Variants in SCN2B observed in about 807,000 individuals in gnomAD.
The protein encoded by SCN2B is sodium channel regulatory subunit beta-2.
SCN2B carries 14 observed loss-of-function variants against 18.2 expected under a neutral mutation model. The ratio of observed to expected loss-of-function variants is 0.77; its 90% confidence interval spans 0.51 to 1.21. The LOEUF (loss-of-function observed/expected upper bound fraction) is 1.21, where lower values mean the gene tolerates loss of function less well. Among genes scored for constraint, SCN2B ranks in the 50% most tolerant of loss-of-function variants. SCN2B has a pLI of 0.00. For missense variants in SCN2B, 262 were observed against 286.9 expected, an observed-to-expected ratio of 0.91 and a Z score of 0.63; for synonymous variants, 115 against 115.3, an observed-to-expected ratio of 1.00 and a Z score of 0.02.
intron 1 of SCN2B, among the ~76,000 whole-genome samples, chr11:118,173,115 G>A (rs897480330): frequency 3.3e-5 from 5 of 151,846 alleles, no homozygotes; most frequent in Non-Finnish European, 7.4e-5. Context: ...GACCTCCAAC[G>A]GCTACCCACT....
rs11216788 is a variant in SCN2B at position 118,163,486 on chromosome 11, G to A, written c.*3401C>T. 0.36 allele frequency: 54,671 copies of A among 152,548 alleles called. 10,826 individuals carry two copies. Among genetic ancestry groups the A allele is most frequent in the East Asian group, 0.74 (3,812 of 5,170 alleles). 9.4% of individuals were successfully genotyped at this position (152,548 alleles called of 1,614,324 possible). ...TCCTTTTTATAAACTGGAAATAACT[G>A]TGAAGAGTCCATAGCTAGGGGGCAG... On this transcript the variant is annotated 3_prime_UTR_variant, in exon 4 of 4. Transcript: ENST00000278947.
At position 118,171,523 on chromosome 11, in the gene SCN2B, G is replaced by C. The variant is rs551779416; in HGVS notation, c.71-2772C>G. On this transcript the variant is annotated intron_variant, in intron 1 of 3. Coordinates refer to ENST00000278947, the MANE Select transcript of SCN2B (RefSeq NM_004588.5). The stretch of plus-strand genomic sequence containing the variant: ...TGGAAGGTCGATCATCTTCCCAGGG[G>C]CTCCCCAGACCAAAAAGTCTGCGTT... 4.6e-5 allele frequency among the ~76,000 whole-genome samples: 7 copies of C among 152,330 alleles called. No homozygotes were observed. In the South Asian group the frequency reaches 1.5e-3, roughly 32 times the overall value.
chr11:118,174,425 G>A (rs1009043320), intron 1 of SCN2B, among the ~76,000 whole-genome samples: 4 of 151,982 alleles, frequency 2.6e-5, no homozygotes, highest in African/African-American at 9.7e-5. Flanking sequence ...CTTTCTCTTT[G>A]CCACCTCCAT....
In SCN2B at chr11:118,175,394, C is replaced by G. The variant is rs975521488; in HGVS notation, c.70+968G>C. Among the ~76,000 whole-genome samples the G allele has an allele frequency of 2.6e-5, 4 of 152,340 alleles. No individual in the cohort carries two copies. The East Asian group carries it at 7.7e-4, about 29-fold the overall frequency. On this transcript the variant is annotated intron_variant, in intron 1 of 3. Coordinates refer to ENST00000278947, the MANE Select transcript of SCN2B (RefSeq NM_004588.5). The stretch of plus-strand genomic sequence containing the variant: ...CAGGCTGGCAGGGCCTCTGCACTGT[C>G]TGTGTTTAGCACTCCTACTCCAAAC...
Position 118,174,104 on chromosome 11 carries a change from T to G in SCN2B, c.70+2258A>C, listed in dbSNP as rs964499967. ...TATTTTTCTTTTCTTTTTTTTTTTT[T>G]TTTTTTTTTTTTTTTTGTAGAGACA... is the stretch of plus-strand genomic sequence containing the variant. On this transcript the variant is annotated intron_variant, in intron 1 of 3. Transcript: ENST00000278947. Among the ~76,000 whole-genome samples the G allele has an allele frequency of 3.4e-4, 44 of 128,150 alleles. 7 individuals carry two copies. The highest frequency in any genetic ancestry group is 1.2e-3 in the African/African-American group (40 of 32,004). 84.1% of individuals were successfully genotyped at this position (128,150 alleles called of 152,430 possible).
rs1565465474 is a variant in SCN2B at position 118,176,404 on chromosome 11, G to A, written c.28C>T (p.Pro10Ser). 1.9e-6 allele frequency: 3 copies of A among 1,614,080 alleles called. No individual in the cohort carries two copies. The highest frequency in any genetic ancestry group is 4.5e-5 in the East Asian group (2 of 44,880). MHRDAWLPR[P>S]AFSLTGLSLF... The stretch of plus-strand genomic sequence containing the variant: ...CTGAGCCCCGTGAGGCTGAAGGCAG[G>A]GCGAGGTAGCCAGGCATCTCTGTGC... Residue 10 changes from proline to serine, a missense_variant, in exon 1 of 4, where the codon CCT becomes TCT. Coordinates refer to ENST00000278947, the MANE Select transcript of SCN2B (RefSeq NM_004588.5).
Position 118,166,534 on chromosome 11 carries a change from G to T in SCN2B, c.*353C>A. The stretch of plus-strand genomic sequence containing the variant: ...CTCTCTGAAGCCACTGCCAGGCCAA[G>T]CACTGGGCAGGTGGACAGCGGCCCC... On this transcript the variant is annotated 3_prime_UTR_variant, in exon 4 of 4. Transcript: ENST00000278947. The T allele has an allele frequency of 2.7e-6, 1 of 372,216 alleles. No individual in the cohort carries two copies. 23.1% of individuals were successfully genotyped at this position (372,216 alleles called of 1,614,324 possible).
rs1326811641 is a variant in SCN2B at position 118,166,941 on chromosome 11, G to A, written c.594C>T (p.Thr198=). ...EQKLSTDDLK[T]EEEGKTDGEG... is the part of the protein sequence containing the mutation. ...CACCGTCCGTCTTGCCCTCCTCCTC[G>A]GTCTTCAGGTCATCTGTGCTCAGCT... Residue 198 remains threonine, a synonymous_variant, in exon 4 of 4, where the codon ACC becomes ACT. Coordinates refer to ENST00000278947, the MANE Select transcript of SCN2B (RefSeq NM_004588.5). 9.3e-6 allele frequency: 15 copies of A among 1,614,078 alleles called. No individual in the cohort carries two copies. Among genetic ancestry groups the A allele is most frequent in the Non-Finnish European group, 1.2e-5 (14 of 1,180,018 alleles).
rs1407678712 is a variant in SCN2B, at chr11:118,167,062, A to G, written c.473T>C (p.Val158Ala). 3.1e-6 allele frequency: 5 copies of G among 1,612,982 alleles called. No individual in the cohort carries two copies. Among genetic ancestry groups the G allele is most frequent in the Non-Finnish European group, 4.2e-6 (5 of 1,180,006 alleles). Residue 158 changes from valine to alanine, a missense_variant, in exon 4 of 4, where the codon GTG (valine) becomes GCG (alanine). By Grantham distance (64) the Val-to-Ala change is moderately conservative (BLOSUM62 0). Transcript: ENST00000278947. The part of the protein sequence containing the change: ...MEEPPERDST[V>A]AVIVGASVGG... ...GACGGAGGCACCCACAATCACGGCC[A>G]CCGTGGAGTCCCGCTCAGGGGGCTC...
intron 1 of SCN2B, among the ~76,000 whole-genome samples, chr11:118,170,418 T>C (rs600325): frequency 0.2 from 31,003 of 152,054 alleles, 7,611 homozygotes; most frequent in African/African-American, 0.59. Flanking sequence ...AGGAGTTTCG[T>C]GTGCCTGAGG....
intron 3 of SCN2B, 77 bp from the exon 4 acceptor site, chr11:118,167,163 C>T (rs953158075): frequency 1.5e-5 from 22 of 1,452,280 alleles, no homozygotes; most frequent in East Asian, 2.3e-5. Context: ...CCGTGGCATG[C>T]GTGGAACCAT....
chr11:118,168,712 G>A lies in SCN2B; in HGVS notation c.110C>T (p.Thr37Ile), dbSNP rs1451432673. The change falls in exon 2 of 4, where the codon ACC becomes ATC. Residue 37 changes from threonine (T) to isoleucine (I), a missense_variant. Physicochemically the swap from Thr to Ile is moderately conservative, Grantham distance 89. Coordinates refer to ENST00000278947, the MANE Select transcript of SCN2B (RefSeq NM_004588.5). The surrounding 1 kb of genome is among the most constrained non-coding windows in gnomAD (Gnocchi z 4.7). ...GTCAGAGCCATTGAGGACGTTGAGG[G>A]TGGCAGGTACTGTGACCTCCATGCT... is the stretch of plus-strand genomic sequence containing the variant. ...GRSMEVTVPA[T>I]LNVLNGSDAR... The A allele has an allele frequency of 1.9e-6, 3 of 1,614,220 alleles. 1 individual carries two copies. The highest frequency in any genetic ancestry group is 2.5e-6 in the Non-Finnish European group (3 of 1,180,038).
At position 118,170,985 on chromosome 11, in the gene SCN2B, C is replaced by G. The variant is rs571494239; in HGVS notation, c.71-2234G>C. ...AACTTTTTTTTTTTCTTCACAAAGC[C>G]GTAGAAGCAGCCGCCCTGCAGCCTG... On this transcript the variant is annotated intron_variant, in intron 1 of 3. Coordinates refer to ENST00000278947, the MANE Select transcript of SCN2B (RefSeq NM_004588.5). 5.3e-5 allele frequency among the ~76,000 whole-genome samples: 8 copies of G among 152,072 alleles called. No individual in the cohort carries two copies. The East Asian group carries it at 5.8e-4, about 11-fold the overall frequency.
chr11:118,168,058 C>G lies in SCN2B; in HGVS notation c.448+27G>C. The G allele has an allele frequency of 6.3e-7, 1 of 1,595,534 alleles. No homozygotes were observed. On this transcript the variant is annotated intron_variant, in intron 3 of 3. Coordinates refer to ENST00000278947, the MANE Select transcript of SCN2B (RefSeq NM_004588.5). This position sits in a 1 kb window ranked among gnomAD's most constrained non-coding sequence, Gnocchi z 4.7. The stretch of plus-strand genomic sequence containing the variant: ...AGTAGGTGGGTGGGAAAGGTCAGGG[C>G]CCCGCAGCTGGCACCCCAGCCTTCA...
intron 1 of SCN2B, among the ~76,000 whole-genome samples, chr11:118,172,798 C>T (rs1415713001): frequency 6.6e-6 from 1 of 152,192 alleles, no homozygotes; most frequent in East Asian, 1.9e-4. Context: ...ATTTGCTCAT[C>T]TGCCAAATGC....
chr11:118,168,260 C>T lies in SCN2B; in HGVS notation c.273G>A (p.Lys91=), dbSNP rs1238687059. The stretch of plus-strand genomic sequence containing the variant: ...CCACGCGGTCTTGAAACCGCTCCAG[C>T]TTCAGGTTAATGATCTTCATGCGGA... ...LQFRMKIINL[K]LERFQDRVEF... Residue 91 remains lysine (K), a synonymous_variant, in exon 3 of 4, where the codon AAG becomes AAA. Coordinates refer to ENST00000278947, the MANE Select transcript of SCN2B (RefSeq NM_004588.5). The surrounding 1 kb of genome is among the most constrained non-coding windows in gnomAD (Gnocchi z 4.7). 1 of 1,614,230 alleles carries T rather than the reference C, an allele frequency of 6.2e-7. No individual in the cohort carries two copies. Among genetic ancestry groups the T allele is most frequent in the African/African-American group, 1.3e-5 (1 of 75,064 alleles).
intron 1 of SCN2B, among the ~76,000 whole-genome samples, chr11:118,175,162 G>A (rs1269031708): frequency 6.6e-6 from 1 of 152,216 alleles, no homozygotes; most frequent in Admixed American, 6.5e-5. Context: ...GTTAGCCATC[G>A]TTGAGTTCCT....
In SCN2B at chr11:118,168,560, C is replaced by T. The variant is rs777422416; in HGVS notation, c.237+25G>A. Reference sequence around the variant, plus strand: ...CATGGGGCTCCTACCTCCTCCCCTGCCCCTGCCTTCAGCCCAGGACTCACC... The same window carrying T: ...CATGGGGCTCCTACCTCCTCCCCTGTCCCTGCCTTCAGCCCAGGACTCACC... On this transcript the variant is annotated intron_variant, in intron 2 of 3. Transcript: ENST00000278947. The surrounding 1 kb of genome is among the most constrained non-coding windows in gnomAD (Gnocchi z 4.7). 6.2e-7 allele frequency: 1 copy of T among 1,614,018 alleles called. No homozygotes were observed. Among genetic ancestry groups the T allele is most frequent in the Middle Eastern group, 1.6e-4 (1 of 6,062 alleles).
Position 118,168,548 on chromosome 11 carries a change from C to T in SCN2B, c.237+37G>A, listed in dbSNP as rs1948404873. The T allele has an allele frequency of 1.2e-6, 2 of 1,613,434 alleles. No homozygotes were observed. Among genetic ancestry groups the T allele is most frequent in the African/African-American group, 2.7e-5 (2 of 74,934 alleles). On this transcript the variant is annotated intron_variant, in intron 2 of 3. Transcript: ENST00000278947. This position sits in a 1 kb window ranked among gnomAD's most constrained non-coding sequence, Gnocchi z 4.7. ...GGGGCTTCATGCCATGGGGCTCCTA[C>T]CTCCTCCCCTGCCCCTGCCTTCAGC...
Sources: allele counts gnomAD v4.1 joint callset (sites outside exome capture counted in the v4.1 genomes callset), GRCh38; gene constraint gnomAD v4.1.1; non-coding constraint Gnocchi (gnomAD v3.1); transcripts MANE v1.5; gene names NCBI Gene and HGNC (gene_info 2026-07-23, HGNC 2026-07-21).